PTPRN2: variants seen among roughly 807,000 people sequenced by gnomAD.
The protein encoded by PTPRN2 is receptor-type tyrosine-protein phosphatase N2.
A neutral mutation model predicts 118.8 loss-of-function variants in PTPRN2; 74 were observed. The ratio of observed to expected loss-of-function variants is 0.62; its 90% confidence interval spans 0.52 to 0.76. The LOEUF is 0.76. Among genes scored for constraint, PTPRN2 ranks in the 30% least tolerant of loss-of-function variants. The pLI is 0.00. For missense variants in PTPRN2, 1,481 were observed against 1,394.4 expected (o/e 1.06, Z -0.99); for synonymous variants, 641 against 608.0 (o/e 1.05, Z -0.80).
rs1278318244 is a variant in PTPRN2, at chr7:158,587,583, G to A, written c.87C>T (p.Arg29=). 1.5e-6 allele frequency: 2 copies of A among 1,334,744 alleles called. No homozygotes were observed. The highest frequency in any genetic ancestry group is 1.9e-6 in the Non-Finnish European group (2 of 1,048,114). 82.7% of individuals were successfully genotyped at this position (1,334,744 alleles called of 1,614,324 possible). A position where few individuals can be genotyped will look rare whatever the true frequency, so the allele number is the denominator to read the frequency against. Residue 29 remains arginine, a synonymous_variant, in exon 1 of 23, where the codon CGC becomes CGT. Coordinates refer to ENST00000389418, the MANE Select transcript of PTPRN2 (RefSeq NM_002847.5). The stretch of plus-strand genomic sequence containing the variant: ...CCAGACGCCCCGGGAGCTGCCGGCC[G>A]CGGGGGACGGACGAAGGGGCGGCAG... The part of the protein sequence containing the change: ...VLPAAPSSVP[R]GRQLPGRLGC...
chr7:158,257,264 G>A (rs1471772095), intron 3 of PTPRN2, among the ~76,000 whole-genome samples: 1 of 152,188 alleles, frequency 6.6e-6, no homozygotes, highest in Non-Finnish European at 1.5e-5. Context: ...CGACCCCTCA[G>A]GTTTGATCAC....
Position 158,044,873 on chromosome 7 carries a change from G to A in PTPRN2, c.1723+36425C>T, listed in dbSNP as rs1226810449. Among the ~76,000 whole-genome samples the A allele has an allele frequency of 2.0e-5, 3 of 152,214 alleles. No individual in the cohort carries two copies. In the East Asian group the frequency reaches 5.8e-4, roughly 29 times the overall value. On this transcript the variant is annotated intron_variant, in intron 11 of 22. Coordinates refer to ENST00000389418, the MANE Select transcript of PTPRN2 (RefSeq NM_002847.5). ...AGGAGCAACATTTAATTCTCAACGAGAGCACCTGGAGGACACCAGGAGGAG... is the reference window on the plus strand; with the variant it reads ...AGGAGCAACATTTAATTCTCAACGAAAGCACCTGGAGGACACCAGGAGGAG...
chr7:158,167,078 G>C lies in PTPRN2; in HGVS notation c.763C>G (p.Pro255Ala). 1 of 1,601,924 alleles carries C rather than the reference G, an allele frequency of 6.2e-7. No individual in the cohort carries two copies. The highest frequency in any genetic ancestry group is 8.5e-7 in the Non-Finnish European group (1 of 1,173,208). Residue 255 changes from proline to alanine, a missense_variant, in exon 6 of 23, where the codon CCA becomes GCA. By Grantham distance (27) the Pro-to-Ala change is conservative. Coordinates refer to ENST00000389418, the MANE Select transcript of PTPRN2 (RefSeq NM_002847.5). ...AGGCTGCCCTCCCCGGGGGGAGCTG[G>C]GGGCCTCTGGGCAGCATAGGCACTG... Reference protein sequence around the residue: ...ALSAYAAQRPPAPPGEGSLEP... With the variant: ...ALSAYAAQRPAAPPGEGSLEP...
chr7:158,268,091 A>G (rs747075881), intron 3 of PTPRN2, among the ~76,000 whole-genome samples: 39 of 152,318 alleles, frequency 2.6e-4, no homozygotes, highest in Middle Eastern at 3.4e-3. Context: ...GATCCTCAGC[A>G]CCGTCAACAA....
chr7:158,025,099 C>CACATGCAG (rs1339180948), intron 11 of PTPRN2, among the ~76,000 whole-genome samples: 1 of 152,122 alleles, frequency 6.6e-6, no homozygotes, highest in Non-Finnish European at 1.5e-5. Context: ...TGGACAAAGA[C>CACATGCAG]ACATGCAGCC....
At chr7:158,472,668 C>T (rs1819944806) in intron 2 of PTPRN2, among the ~76,000 whole-genome samples, 1 of 152,182 alleles carries the variant, frequency 6.6e-6, no homozygotes, top group Admixed American at 6.5e-5. Context: ...ATCACTCACC[C>T]TTCAATGCAC....
intron 12 of PTPRN2, among the ~76,000 whole-genome samples, chr7:157,717,603 G>T (rs57140608): frequency 0.095 from 14,427 of 152,226 alleles, 1,214 homozygotes; most frequent in African/African-American, 0.22. Flanking sequence ...TCGCTCCCTT[G>T]CGTCTCCTCA....
intron 3 of PTPRN2, among the ~76,000 whole-genome samples, chr7:158,242,244 A>G (rs1795946356): frequency 6.6e-6 from 1 of 151,898 alleles, no homozygotes; most frequent in Admixed American, 6.6e-5. Context: ...TTTCATTTCC[A>G]TCTCCAGTCT....
intron 13 of PTPRN2, among the ~76,000 whole-genome samples, chr7:157,663,252 T>C (rs911822207): frequency 1.3e-5 from 2 of 152,078 alleles, no homozygotes; most frequent in Non-Finnish European, 2.9e-5. Flanking sequence ...GAGCAAGGGC[T>C]GTGCGCGTGG....
At chr7:158,373,103 C>T (rs1218473332) in intron 2 of PTPRN2, among the ~76,000 whole-genome samples, 1 of 152,244 alleles carries the variant, frequency 6.6e-6, no homozygotes, top group Non-Finnish European at 1.5e-5. Context: ...GCAGAGGAAA[C>T]TCCTGTGGCC....
chr7:157,680,970 C>T (rs1479200309), intron 13 of PTPRN2, among the ~76,000 whole-genome samples: 1 of 152,100 alleles, frequency 6.6e-6, no homozygotes, highest in Non-Finnish European at 1.5e-5. Context: ...CCAAGAAATT[C>T]AAACAATTTT....
At chr7:158,233,923 G>A (rs1355770220) in intron 3 of PTPRN2, among the ~76,000 whole-genome samples, 2 of 152,128 alleles carry the variant, frequency 1.3e-5, no homozygotes, top group Non-Finnish European at 2.9e-5. Flanking sequence ...TCCATACACA[G>A]AAGAATGAAA....
At chr7:157,827,489 C>T (rs73513248) in intron 12 of PTPRN2, among the ~76,000 whole-genome samples, 87 of 152,308 alleles carry the variant, frequency 5.7e-4, no homozygotes, top group African/African-American at 2.0e-3. Flanking sequence ...AGAAAGCGTT[C>T]GGGCTGTGTG....
intron 6 of PTPRN2, among the ~76,000 whole-genome samples, chr7:158,155,110 G>A (rs1821583421): frequency 1.3e-5 from 2 of 152,154 alleles, no homozygotes. Flanking sequence ...TGCTCCAACT[G>A]GGCTCTCATA....
At chr7:158,253,791 G>A (rs1025947531) in intron 3 of PTPRN2, among the ~76,000 whole-genome samples, 18 of 152,342 alleles carry the variant, frequency 1.2e-4, no homozygotes, top group Non-Finnish European at 2.2e-4. Context: ...TTAAGAGCAG[G>A]CTCGCAGAAG....
chr7:157,755,945 G>C (rs900777938), intron 12 of PTPRN2, among the ~76,000 whole-genome samples: 9 of 152,208 alleles, frequency 5.9e-5, no homozygotes, highest in African/African-American at 1.7e-4. Flanking sequence ...CCACGGCAGC[G>C]TCCAGCACCC....
intron 3 of PTPRN2, 75 bp from the exon 4 acceptor site, chr7:158,205,348 T>A: frequency 9.2e-7 from 1 of 1,082,862 alleles, no homozygotes; most frequent in Non-Finnish European, 1.4e-6. Context: ...GTCTCACAAT[T>A]AGTTGCATTT....
chr7:157,545,566 G>C (rs1431715685), intron 22 of PTPRN2, among the ~76,000 whole-genome samples: 1 of 152,176 alleles, frequency 6.6e-6, no homozygotes, highest in African/African-American at 2.4e-5. Flanking sequence ...TGGTGTCAAA[G>C]CCCGCACTGC....
rs1046271997 is a variant in PTPRN2 at position 157,974,405 on chromosome 7, C to A, written c.1724-75668G>T. Among the ~76,000 whole-genome samples, 2 of 152,186 alleles carry A rather than the reference C, an allele frequency of 1.3e-5. No homozygotes were observed. Among genetic ancestry groups the A allele is most frequent in the South Asian group, 2.1e-4 (1 of 4,830 alleles). On this transcript the variant is annotated intron_variant, in intron 11 of 22. Coordinates refer to ENST00000389418, the MANE Select transcript of PTPRN2 (RefSeq NM_002847.5). The surrounding 1 kb of genome is among the most constrained non-coding windows in gnomAD (Gnocchi z 4.0). Reference sequence around the variant, plus strand: ...CACCTGCCCTTGATTCCCTGTGGCACCTTGGGAGCATGGGGCTGCCCTACT... The same window carrying A: ...CACCTGCCCTTGATTCCCTGTGGCAACTTGGGAGCATGGGGCTGCCCTACT...
Sources: allele counts gnomAD v4.1 joint callset (sites outside exome capture counted in the v4.1 genomes callset), GRCh38; gene constraint gnomAD v4.1.1; non-coding constraint Gnocchi (gnomAD v3.1); transcripts MANE v1.5; gene names NCBI Gene and HGNC (gene_info 2026-07-23, HGNC 2026-07-21).